Variants in RNGTT observed in about 807,000 individuals in gnomAD.
The protein encoded by RNGTT is RNA guanylyltransferase and 5'-phosphatase.
RNGTT carries 33 observed loss-of-function variants against 79.3 expected under a neutral mutation model. That is an observed-to-expected ratio of 0.42 (90% CI 0.32 to 0.56). The LOEUF (loss-of-function observed/expected upper bound fraction) is 0.56, where lower values mean the gene tolerates loss of function less well. Among genes scored for constraint, RNGTT ranks in the 20% least tolerant of loss-of-function variants. The pLI is 0.17. For missense variants in RNGTT, 497 were observed against 739.1 expected (o/e 0.67, Z 3.80); for synonymous variants, 222 against 235.9 (o/e 0.94, Z 0.54).
At chr6:88,742,522 T>A (rs1420073391) in intron 13 of RNGTT, among the ~76,000 whole-genome samples, 1 of 152,230 alleles carries the variant, frequency 6.6e-6, no homozygotes, top group African/African-American at 2.4e-5. Flanking sequence ...TCTTTCCTTT[T>A]GTAATCTCAA....
chr6:88,959,677 T>C (rs1785550729), intron 1 of RNGTT, among the ~76,000 whole-genome samples: 1 of 152,148 alleles, frequency 6.6e-6, no homozygotes, highest in South Asian at 2.1e-4. Context: ...CACTCTTTTC[T>C]CCATCAATTC....
chr6:88,662,146 G>C (rs886618425), intron 14 of RNGTT, among the ~76,000 whole-genome samples: 1 of 152,184 alleles, frequency 6.6e-6, no homozygotes, highest in Non-Finnish European at 1.5e-5. Flanking sequence ...TCGGCATAGA[G>C]GAAACACACC....
At chr6:88,807,122 G>A (rs1018026620) in intron 11 of RNGTT, among the ~76,000 whole-genome samples, 1 of 152,168 alleles carries the variant, frequency 6.6e-6, no homozygotes, top group Non-Finnish European at 1.5e-5. Flanking sequence ...GCATTAGGAA[G>A]AATAGCTAAT....
At chr6:88,722,921 C>T (rs1776753421) in intron 13 of RNGTT, among the ~76,000 whole-genome samples, 1 of 152,150 alleles carries the variant, frequency 6.6e-6, no homozygotes, top group South Asian at 2.1e-4. Context: ...ACTGGGCTGC[C>T]AGCTGTACAA....
At chr6:88,768,537 T>C (rs540109720) in intron 13 of RNGTT, among the ~76,000 whole-genome samples, 3 of 152,342 alleles carry the variant, frequency 2.0e-5, no homozygotes, top group South Asian at 4.1e-4. Flanking sequence ...TTTCTTAATA[T>C]ATTTTAATCT....
chr6:88,844,151 T>C (rs1033635357), intron 11 of RNGTT, among the ~76,000 whole-genome samples: 11 of 151,896 alleles, frequency 7.2e-5, no homozygotes, highest in African/African-American at 2.4e-4. Context: ...GGAAACAGCC[T>C]AGTTTCAGGT....
intron 14 of RNGTT, among the ~76,000 whole-genome samples, chr6:88,619,732 T>C (rs1330013858): frequency 6.6e-6 from 1 of 152,238 alleles, no homozygotes; most frequent in East Asian, 1.9e-4. Flanking sequence ...AATCTACTTC[T>C]ATAGTGTGAC....
chr6:88,748,803 A>T (rs1183670025), intron 13 of RNGTT, among the ~76,000 whole-genome samples: 1 of 152,138 alleles, frequency 6.6e-6, no homozygotes, highest in African/African-American at 2.4e-5. Flanking sequence ...AAGAAATAAT[A>T]GCAGGAAAAG....
At chr6:88,951,350 G>T (rs12173765) in intron 1 of RNGTT, among the ~76,000 whole-genome samples, 1 of 152,174 alleles carries the variant, frequency 6.6e-6, no homozygotes, top group Non-Finnish European at 1.5e-5. Flanking sequence ...ACATAAACTT[G>T]ATTGATAAAG....
chr6:88,816,824 A>G (rs1780329198), intron 11 of RNGTT, among the ~76,000 whole-genome samples: 1 of 152,176 alleles, frequency 6.6e-6, no homozygotes, highest in Non-Finnish European at 1.5e-5. Flanking sequence ...CAGATATATG[A>G]GTACTTAAAA....
chr6:88,789,132 T>C (rs902040409), intron 12 of RNGTT, among the ~76,000 whole-genome samples: 2 of 152,160 alleles, frequency 1.3e-5, no homozygotes, highest in African/African-American at 4.8e-5. Context: ...AAGTATCTTC[T>C]TTCTTGGCCG....
chr6:88,768,139 A>AGTGTGTGTGTGT (rs71021394), intron 13 of RNGTT, among the ~76,000 whole-genome samples: 12,352 of 148,822 alleles, frequency 0.083, 671 homozygotes, highest in Middle Eastern at 0.19. Context: ...ATTTAGGGAT[A>AGTGTGTGTGTGT]GTGTGTGTGT....
At chr6:88,641,295 C>G (rs893242017) in intron 14 of RNGTT, among the ~76,000 whole-genome samples, 1 of 149,258 alleles carries the variant, frequency 6.7e-6, no homozygotes, top group Non-Finnish European at 1.5e-5. Context: ...GCTGAGATGG[C>G]GCCACTGCAC....
chr6:88,808,485 G>C (rs1780032123), intron 11 of RNGTT, among the ~76,000 whole-genome samples: 1 of 152,024 alleles, frequency 6.6e-6, no homozygotes, highest in East Asian at 1.9e-4. Flanking sequence ...GAAAACATGG[G>C]GCAAGCCATG....
intron 13 of RNGTT, among the ~76,000 whole-genome samples, chr6:88,721,965 C>T (rs1384962412): frequency 2.6e-5 from 4 of 151,818 alleles, no homozygotes; most frequent in Non-Finnish European, 4.4e-5. Context: ...TTAGGAACAA[C>T]TAAGACATTG....
At chr6:88,869,518 G>C (rs1273896606) in intron 8 of RNGTT, among the ~76,000 whole-genome samples, 2 of 152,086 alleles carry the variant, frequency 1.3e-5, no homozygotes. Flanking sequence ...TGTTTCAGGG[G>C]AATCAGAATG....
intron 13 of RNGTT, among the ~76,000 whole-genome samples, chr6:88,685,374 C>T (rs535912814): frequency 7.2e-5 from 11 of 151,828 alleles, no homozygotes; most frequent in Admixed American, 2.0e-4. Flanking sequence ...AACTGTATGC[C>T]GAAAGAGAAA....
chr6:88,746,176 A>T (rs756345862), intron 13 of RNGTT, among the ~76,000 whole-genome samples: 3 of 152,208 alleles, frequency 2.0e-5, no homozygotes, highest in Non-Finnish European at 4.4e-5. Context: ...CCACCACCAA[A>T]GAGTGGCTTC....
intron 13 of RNGTT, among the ~76,000 whole-genome samples, chr6:88,749,968 C>A (rs1391922273): frequency 3.9e-5 from 6 of 152,098 alleles, no homozygotes; most frequent in African/African-American, 1.4e-4. Context: ...GCACTTCAGT[C>A]TCTGCCTCCA....
Sources: allele counts gnomAD v4.1 joint callset (sites outside exome capture counted in the v4.1 genomes callset), GRCh38; gene constraint gnomAD v4.1.1; transcripts MANE v1.5; gene names NCBI Gene and HGNC (gene_info 2026-07-23, HGNC 2026-07-21).